FPGT: variants seen among roughly 807,000 people sequenced by gnomAD.
The protein encoded by FPGT is GDP-L-fucose diphosphorylase.
A neutral mutation model predicts 45.8 loss-of-function variants in FPGT; 41 were observed. The ratio of observed to expected loss-of-function variants is 0.90; its 90% CI spans 0.70 to 1.16. The LOEUF (loss-of-function observed/expected upper bound fraction) is 1.16, where lower values mean the gene tolerates loss of function less well. Ranked by LOEUF, FPGT falls within the 50% of genes most tolerant of loss-of-function variation. FPGT has a pLI of 0.00. For missense variants in FPGT, 755 were observed against 689.1 expected (o/e 1.10, Z -1.07); for synonymous variants, 292 against 247.2 (o/e 1.18, Z -1.70).
rs746805914 is a variant in FPGT, at chr1:74,204,946, C to T, written c.899C>T (p.Ala300Val). 2 of 1,613,966 alleles carry T rather than the reference C, an allele frequency of 1.2e-6. No homozygotes were observed. The highest frequency in any genetic ancestry group is 1.7e-5 in the Admixed American group (1 of 60,006). The change falls in exon 4 of 4, where the codon GCC becomes GTC. Residue 300 changes from alanine (A) to valine (V), a missense_variant. Ala to Val is a moderately conservative substitution (Grantham distance 64, BLOSUM62 0). Transcript: ENST00000370898. ...KIGTLSCEID[A>V]YGDFLQALGP... ...GGCACACTGAGCTGTGAAATAGATGCCTATGGTGACTTTCTGCAGGCTTTG... is the reference window on the plus strand; with the variant it reads ...GGCACACTGAGCTGTGAAATAGATGTCTATGGTGACTTTCTGCAGGCTTTG...
At chr1:74,199,883 T>C (rs769458921) in intron 2 of FPGT, 52 bp downstream of exon 2, 10 of 1,569,292 alleles carry the variant, frequency 6.4e-6, no homozygotes, top group African/African-American at 1.4e-5. Flanking sequence ...AGAATAATCA[T>C]TGAAGAAAAG....
chr1:74,203,834 G>A (rs959185776), intron 3 of FPGT, among the ~76,000 whole-genome samples: 2 of 151,904 alleles, frequency 1.3e-5, no homozygotes, highest in African/African-American at 4.8e-5. Flanking sequence ...CTGAGGTCAG[G>A]AGTTTGAGAC....
intron 3 of FPGT, among the ~76,000 whole-genome samples, chr1:74,203,831 C>T (rs1034544432): frequency 6.6e-6 from 1 of 151,756 alleles, no homozygotes; most frequent in Non-Finnish European, 1.5e-5. Flanking sequence ...CACCTGAGGT[C>T]AGGAGTTTGA....
chr1:74,204,660 G>C lies in FPGT; in HGVS notation c.613G>C (p.Val205Leu), dbSNP rs1247611766. 1 of 1,613,256 alleles carries C rather than the reference G, an allele frequency of 6.2e-7. No homozygotes were observed. Among genetic ancestry groups the C allele is most frequent in the Non-Finnish European group, 8.5e-7 (1 of 1,179,358 alleles). Residue 205 changes from valine to leucine, a missense_variant, in exon 4 of 4, where the codon GTA becomes CTA. Coordinates refer to ENST00000370898, the MANE Select transcript of FPGT (RefSeq NM_003838.5). ...TTTGACGATAGGTACCACACATGGA[G>C]TATTTGTCTTAGATCCTTTTGATGA... is the stretch of plus-strand genomic sequence containing the variant. ...SSLTIGTTHGVFVLDPFDDLK... is the reference protein window; with the variant it reads ...SSLTIGTTHGLFVLDPFDDLK...
rs186422789 is a variant in FPGT at position 74,204,641 on chromosome 1, G to A, written c.594G>A (p.Thr198=). The A allele has an allele frequency of 2.9e-5, 46 of 1,613,684 alleles. No homozygotes were observed. Among genetic ancestry groups the A allele is most frequent in the Admixed American group, 1.5e-4 (9 of 60,012 alleles). The change falls in exon 4 of 4, where the codon ACG becomes ACA. Residue 198 remains threonine (T), a synonymous_variant. Transcript: ENST00000370898. ...CTTTAGCTCATCCTTCTAGTTTGAC[G>A]ATAGGTACCACACATGGAGTATTTG... is the stretch of plus-strand genomic sequence containing the variant. ...FTALAHPSSL[T]IGTTHGVFVL...
chr1:74,205,371 C>A lies in FPGT; in HGVS notation c.1324C>A (p.Leu442Ile). 6.2e-7 allele frequency: 1 copy of A among 1,614,070 alleles called. No homozygotes were observed. Among genetic ancestry groups the A allele is most frequent in the Non-Finnish European group, 8.5e-7 (1 of 1,179,928 alleles). Residue 442 changes from leucine (L) to isoleucine (I), a missense_variant, in exon 4 of 4, where the codon CTA (leucine) becomes ATA (isoleucine). By Grantham distance (5) the Leu-to-Ile change is conservative (BLOSUM62 2). Coordinates refer to ENST00000370898, the MANE Select transcript of FPGT (RefSeq NM_003838.5). The part of the protein sequence containing the change: ...ENCIISGSYI[L>I]TKAALPAHSF... ...CTGCATTATTAGTGGTTCTTACATC[C>A]TAACAAAAGCTGCCCTCCCCGCACA...
Position 74,207,824 on chromosome 1 carries a change from T to A in FPGT, c.*1992T>A, listed in dbSNP as rs1208071865. On this transcript the variant is annotated 3_prime_UTR_variant, in exon 4 of 4. Transcript: ENST00000370898. ...TAACATTTATCTACTTACAGAGCGT[T>A]CAGAGGATGTTATATGTTTATTAAG... Among the ~76,000 whole-genome samples the A allele has an allele frequency of 1.3e-5, 2 of 152,066 alleles. No homozygotes were observed. The highest frequency in any genetic ancestry group is 2.9e-5 in the Non-Finnish European group (2 of 67,956).
chr1:74,201,602 A>C (rs962867477), intron 3 of FPGT, among the ~76,000 whole-genome samples, 192 bp downstream of exon 3: 2 of 152,202 alleles, frequency 1.3e-5, no homozygotes, highest in Non-Finnish European at 2.9e-5. Flanking sequence ...TGATTTTCAC[A>C]AATTTTACTC....
At position 74,204,765 on chromosome 1, in the gene FPGT, A is replaced by G. The variant is rs747199251; in HGVS notation, c.718A>G (p.Asn240Asp). ...CAGCATAGAAAAGATGTATCAGTTTAATGCTGTGTGTAGACCTGGAAATTT... is the reference window on the plus strand; with the variant it reads ...CAGCATAGAAAAGATGTATCAGTTTGATGCTGTGTGTAGACCTGGAAATTT... ...KPSIEKMYQF[N>D]AVCRPGNFCQ... is the part of the protein sequence containing the mutation. Residue 240 changes from asparagine to aspartate, a missense_variant, in exon 4 of 4, where the codon AAT (asparagine) becomes GAT (aspartate). Asn to Asp is a conservative substitution (Grantham distance 23). Transcript: ENST00000370898. 1 of 1,613,940 alleles carries G rather than the reference A, an allele frequency of 6.2e-7. No individual in the cohort carries two copies. The highest frequency in any genetic ancestry group is 1.7e-5 in the Admixed American group (1 of 60,024).
In FPGT at chr1:74,207,940, A is replaced by G. The variant is rs1451564104; in HGVS notation, c.*2108A>G. 6.6e-6 allele frequency among the ~76,000 whole-genome samples: 1 copy of G among 152,012 alleles called. No homozygotes were observed. Among genetic ancestry groups the G allele is most frequent in the South Asian group, 2.1e-4 (1 of 4,828 alleles). On this transcript the variant is annotated 3_prime_UTR_variant, in exon 4 of 4. Transcript: ENST00000370898. ...GGTTGCTTTGAAATGGTTCTGTTCA[A>G]AGGACTTATCAATGTCTCTTGCTTT...
In FPGT at chr1:74,205,634, A is replaced by T. The variant is rs1189095663; in HGVS notation, c.1587A>T (p.Pro529=). 1.9e-5 allele frequency: 31 copies of T among 1,611,952 alleles called. No homozygotes were observed. The highest frequency in any genetic ancestry group is 2.5e-5 in the Non-Finnish European group (29 of 1,178,116). The change falls in exon 4 of 4, where the codon CCA becomes CCT. Residue 529 remains proline, a synonymous_variant. Transcript: ENST00000370898. ...CLSLWTARIF[P]VCSSLSDSVI... Reference sequence around the variant, plus strand: ...GTTTGTGGACTGCACGCATTTTCCCAGTTTGTTCTTCTTTGAGTGACTCAG... The same window carrying T: ...GTTTGTGGACTGCACGCATTTTCCCTGTTTGTTCTTCTTTGAGTGACTCAG...
intron 1 of FPGT, 98 bp from the exon 2 acceptor site, chr1:74,199,566 G>T: frequency 7.6e-7 from 1 of 1,310,684 alleles, no homozygotes; most frequent in Non-Finnish European, 1.0e-6. Context: ...GATGATAATG[G>T]ATATTACCTT....
chr1:74,199,261 T>C (rs1203145936), intron 1 of FPGT, among the ~76,000 whole-genome samples: 1 of 152,222 alleles, frequency 6.6e-6, no homozygotes, highest in Non-Finnish European at 1.5e-5. Flanking sequence ...ACACCAAGTG[T>C]CCGTGATACA....
intron 3 of FPGT, among the ~76,000 whole-genome samples, chr1:74,203,255 A>C (rs1651960795): frequency 6.6e-6 from 1 of 152,156 alleles, no homozygotes; most frequent in Non-Finnish European, 1.5e-5. Context: ...AGGTGATAGG[A>C]ATTTTTCAGT....
rs779181619 is a variant in FPGT, at chr1:74,205,155, A to G, written c.1108A>G (p.Thr370Ala). The G allele has an allele frequency of 1.9e-6, 3 of 1,613,558 alleles. No homozygotes were observed. Among genetic ancestry groups the G allele is most frequent in the Admixed American group, 1.7e-5 (1 of 59,992 alleles). Reference protein sequence around the residue: ...GTTEEYLFYFTSDNSLKSELG... With the variant: ...GTTEEYLFYFASDNSLKSELG... ...AACCGAAGAATATTTGTTTTACTTT[A>G]CCTCAGATAACAGTTTAAAGTCAGA... Residue 370 changes from threonine to alanine, a missense_variant, in exon 4 of 4, where the codon ACC becomes GCC. Transcript: ENST00000370898.
At chr1:74,203,703 G>A (rs1440540426) in intron 3 of FPGT, among the ~76,000 whole-genome samples, 2 of 151,620 alleles carry the variant, frequency 1.3e-5, no homozygotes, top group Non-Finnish European at 2.9e-5. Context: ...CTGTGAAGTA[G>A]ATTCTTAATT....
Position 74,204,391 on chromosome 1 carries a change from G to A in FPGT, c.344G>A (p.Gly115Asp), listed in dbSNP as rs767553427. The change falls in exon 4 of 4, where the codon GGT (glycine) becomes GAT (aspartate). Residue 115 changes from glycine (G) to aspartate (D), a missense_variant and splice_region_variant. Coordinates refer to ENST00000370898, the MANE Select transcript of FPGT (RefSeq NM_003838.5). ...NSFTILLIHS[G>D]GYSQRLPNAS... ...TGGTTATTTCGTTTTAATTTTATAGGTGGCTACAGTCAACGACTTCCAAAT... is the reference window on the plus strand; with the variant it reads ...TGGTTATTTCGTTTTAATTTTATAGATGGCTACAGTCAACGACTTCCAAAT... 2 of 1,542,298 alleles carry A rather than the reference G, an allele frequency of 1.3e-6. No homozygotes were observed. The highest frequency in any genetic ancestry group is 1.3e-5 in the South Asian group (1 of 77,812).
At chr1:74,199,589 T>C (rs1651575147) in intron 1 of FPGT, 75 bp from the exon 2 acceptor site, 16 of 1,502,572 alleles carry the variant, frequency 1.1e-5, no homozygotes, top group Non-Finnish European at 1.4e-5. Context: ...TTATCATCTT[T>C]CTCAATAGGC....
In FPGT at chr1:74,206,977, C is replaced by T. The variant is rs747002225; in HGVS notation, c.*1145C>T. 2.0e-5 allele frequency: 3 copies of T among 151,698 alleles called. No individual in the cohort carries two copies. The highest frequency in any genetic ancestry group is 4.4e-5 in the Non-Finnish European group (3 of 67,902). 9.4% of individuals were successfully genotyped at this position (151,698 alleles called of 1,614,324 possible). A position where few individuals can be genotyped will look rare whatever the true frequency, so the allele number is the denominator to read the frequency against. ...AAACTAGAAGTAACTTGTCCACAAC[C>T]CTCAGTTATGATACTTATGTGCGTG... On this transcript the variant is annotated 3_prime_UTR_variant, in exon 4 of 4. Transcript: ENST00000370898.
Sources: allele counts gnomAD v4.1 joint callset (sites outside exome capture counted in the v4.1 genomes callset), GRCh38; gene constraint gnomAD v4.1.1; transcripts MANE v1.5; gene names NCBI Gene and HGNC (gene_info 2026-07-23, HGNC 2026-07-21).